Variants in LHFPL3 observed in about 807,000 individuals in gnomAD.
LHFPL3 encodes the protein LHFPL tetraspan subfamily member 3.
Under a neutral mutation model 19.3 loss-of-function variants are expected in LHFPL3, and 5 were observed. That is an observed-to-expected ratio of 0.26 (90% CI 0.14 to 0.54). The LOEUF (loss-of-function observed/expected upper bound fraction) is 0.54, where lower values mean the gene tolerates loss of function less well. Ranked by LOEUF, LHFPL3 falls within the 20% of genes least tolerant of loss-of-function variation. The probability of loss-of-function intolerance (pLI) is 0.94; values close to 1 mark genes in which losing one functional copy is unlikely to be tolerated. For synonymous variants in LHFPL3, 133 were observed against 126.2 expected (o/e 1.05, Z -0.36); for missense variants, 249 against 307.4 (o/e 0.81, Z 1.42).
At chr7:104,578,462 A>G (rs1326798616) in intron 1 of LHFPL3, among the ~76,000 whole-genome samples, 1 of 152,338 alleles carries the variant, frequency 6.6e-6, no homozygotes, top group East Asian at 1.9e-4. Flanking sequence ...GCAGGTAGGC[A>G]AGAGTGTTCT....
rs1562894977 is a variant in LHFPL3 at position 104,430,384 on chromosome 7, A to ATATATATATG, written c.445+101169_445+101170insGTATATATAT. ...CATTTCTGTGGGTATATATATATACATATATATATATATATATATACATAT... is the reference window on the plus strand; with the variant it reads ...CATTTCTGTGGGTATATATATATACATATATATATGTATATATATATATATATATACATAT... On this transcript the variant is annotated intron_variant, in intron 1 of 2. Coordinates refer to ENST00000424859, the MANE Select transcript of LHFPL3 (RefSeq NM_199000.3). 2.2e-3 allele frequency among the ~76,000 whole-genome samples: 78 copies of ATATATATATG among 36,020 alleles called. 3 individuals carry two copies. Among genetic ancestry groups the ATATATATATG allele is most frequent in the African/African-American group, 0.015 (76 of 5,110 alleles). The allele number at this position is 36,020 out of a possible 152,430, so 23.6% of individuals were successfully genotyped here.
chr7:104,854,691 T>G (rs925126540), intron 2 of LHFPL3, among the ~76,000 whole-genome samples: 1 of 152,182 alleles, frequency 6.6e-6, no homozygotes, highest in African/African-American at 2.4e-5. Context: ...CAAATGACAA[T>G]TAATAAGCTT....
At chr7:104,475,568 A>T (rs1050453649) in intron 1 of LHFPL3, among the ~76,000 whole-genome samples, 1 of 152,194 alleles carries the variant, frequency 6.6e-6, no homozygotes, top group Non-Finnish European at 1.5e-5. Flanking sequence ...GTATACTTAA[A>T]ATGGTTGAGA....
At position 104,694,153 on chromosome 7, in the gene LHFPL3, A is replaced by T. The variant is rs1162542347; in HGVS notation, c.446-42522A>T. Among the ~76,000 whole-genome samples the T allele has an allele frequency of 7.2e-5, 11 of 152,350 alleles. No individual in the cohort carries two copies. In the East Asian group the frequency reaches 2.1e-3, roughly 29 times the overall value. On this transcript the variant is annotated intron_variant, in intron 1 of 2. Coordinates refer to ENST00000424859, the MANE Select transcript of LHFPL3 (RefSeq NM_199000.3). ...TTCTAGAATTTATCACCATCTAACC[A>T]AAGTGGCATAGAATTTACCTGGGTT...
intron 2 of LHFPL3, among the ~76,000 whole-genome samples, chr7:104,808,897 T>C (rs925961923): frequency 8.2e-5 from 12 of 145,562 alleles, no homozygotes; most frequent in African/African-American, 3.1e-4. Context: ...ATCCTTTTTT[T>C]TTTTTTTTTT....
intron 1 of LHFPL3, among the ~76,000 whole-genome samples, chr7:104,476,863 C>A (rs1032228454): frequency 6.6e-6 from 1 of 152,176 alleles, no homozygotes; most frequent in South Asian, 2.1e-4. Flanking sequence ...AAGCATACTC[C>A]ATAGAAGCAC....
intron 1 of LHFPL3, among the ~76,000 whole-genome samples, chr7:104,641,544 G>C (rs978372634): frequency 3.3e-5 from 5 of 152,174 alleles, no homozygotes; most frequent in African/African-American, 9.7e-5. Context: ...ATTTCTTTTG[G>C]AGAAAGAGTA....
At chr7:104,332,223 CTTTTTTTTTT>C (rs1183733733) in intron 1 of LHFPL3, among the ~76,000 whole-genome samples, 1 of 63,934 alleles carries the variant, frequency 1.6e-5, no homozygotes, top group Non-Finnish European at 2.6e-5. Flanking sequence ...TATTTCTTTT[CTTTTTTTTTT>C]TTTTTTTTTT....
intron 1 of LHFPL3, among the ~76,000 whole-genome samples, chr7:104,536,456 A>C (rs1318353127): frequency 6.6e-6 from 1 of 152,162 alleles, no homozygotes; most frequent in Non-Finnish European, 1.5e-5. Context: ...GGCCGATTGG[A>C]ACATCATTTT....
chr7:104,816,862 G>C (rs1790567050), intron 2 of LHFPL3, among the ~76,000 whole-genome samples: 1 of 152,154 alleles, frequency 6.6e-6, no homozygotes, highest in East Asian at 1.9e-4. Context: ...TATTTGTCAA[G>C]AAAATGCATT....
At chr7:104,894,700 T>A (rs1792319464) in intron 2 of LHFPL3, 1 of 152,224 alleles carries the variant, frequency 6.6e-6, no homozygotes. Flanking sequence ...AGAAACTGCT[T>A]TTCTCAATTC....
intron 1 of LHFPL3, among the ~76,000 whole-genome samples, chr7:104,736,049 T>C (rs1226961477): frequency 6.6e-6 from 1 of 152,220 alleles, no homozygotes; most frequent in Non-Finnish European, 1.5e-5. Context: ...GGATCCTCCA[T>C]GTTGTTTTCC....
At chr7:104,506,731 C>T (rs1201600615) in intron 1 of LHFPL3, among the ~76,000 whole-genome samples, 1 of 152,202 alleles carries the variant, frequency 6.6e-6, no homozygotes, top group Non-Finnish European at 1.5e-5. Flanking sequence ...AACATTTGGT[C>T]ATGGAACGCA....
chr7:104,393,570 G>T (rs1347127825), intron 1 of LHFPL3, among the ~76,000 whole-genome samples: 1 of 152,026 alleles, frequency 6.6e-6, no homozygotes, highest in African/African-American at 2.4e-5. Context: ...ACAAAAATTA[G>T]CTGGGCATGG....
At chr7:104,544,767 G>C (rs373639256) in intron 1 of LHFPL3, among the ~76,000 whole-genome samples, 2 of 152,242 alleles carry the variant, frequency 1.3e-5, no homozygotes, top group African/African-American at 4.8e-5. Context: ...TGATTTGGGG[G>C]AAAAGGGGAA....
chr7:104,655,279 G>A (rs1354705757), intron 1 of LHFPL3, among the ~76,000 whole-genome samples: 1 of 152,148 alleles, frequency 6.6e-6, no homozygotes, highest in African/African-American at 2.4e-5. Context: ...TCTCCACTCA[G>A]TGCAAGCATA....
At chr7:104,873,552 C>T (rs186464651) in intron 2 of LHFPL3, among the ~76,000 whole-genome samples, 63 of 152,212 alleles carry the variant, frequency 4.1e-4, no homozygotes, top group African/African-American at 1.5e-3. Flanking sequence ...GGCCCGAGCC[C>T]AGGAATTTGA....
chr7:104,526,402 A>G (rs1339166232), intron 1 of LHFPL3, among the ~76,000 whole-genome samples: 1 of 152,262 alleles, frequency 6.6e-6, no homozygotes. Context: ...AGGGGCTGGC[A>G]GAAAAGATGG....
intron 1 of LHFPL3, among the ~76,000 whole-genome samples, chr7:104,721,016 G>A (rs899521847): frequency 6.6e-6 from 1 of 152,144 alleles, no homozygotes; most frequent in African/African-American, 2.4e-5. Flanking sequence ...ATTACCATTT[G>A]ACCTAGCAAT....
Sources: allele counts gnomAD v4.1 joint callset (sites outside exome capture counted in the v4.1 genomes callset), GRCh38; gene constraint gnomAD v4.1.1; transcripts MANE v1.5; gene names NCBI Gene and HGNC (gene_info 2026-07-23, HGNC 2026-07-21).